Variants in DPY19L3 observed in about 807,000 individuals in gnomAD.
DPY19L3 encodes the protein protein C-mannosyl-transferase DPY19L3.
In DPY19L3, 51 loss-of-function variants were observed where a neutral mutation model predicts 92.3. The ratio of observed to expected loss-of-function variants is 0.55; its 90% CI spans 0.44 to 0.70. The LOEUF is 0.70. Among genes scored for constraint, DPY19L3 ranks in the 30% least tolerant of loss-of-function variants. DPY19L3 has a pLI of 0.00. For missense variants in DPY19L3, 706 were observed against 855.9 expected (o/e 0.82, Z 2.18); for synonymous variants, 309 against 315.2 (o/e 0.98, Z 0.21).
intron 12 of DPY19L3, among the ~76,000 whole-genome samples, chr19:32,462,278 G>A (rs1013694636): frequency 1.3e-4 from 20 of 152,094 alleles, no homozygotes; most frequent in African/African-American, 4.1e-4. Flanking sequence ...ACTATACAGC[G>A]TGGAAACACA....
intron 12 of DPY19L3, among the ~76,000 whole-genome samples, chr19:32,462,346 A>G (rs1217571845): frequency 6.6e-6 from 1 of 152,214 alleles, no homozygotes; most frequent in African/African-American, 2.4e-5. Context: ...GAGAGATTTC[A>G]TCATGCAACA....
At chr19:32,426,855 T>G (rs1968781084) in intron 3 of DPY19L3, among the ~76,000 whole-genome samples, 1 of 152,266 alleles carries the variant, frequency 6.6e-6, no homozygotes, top group African/African-American at 2.4e-5. Flanking sequence ...GATAGTTGTT[T>G]GATGCATAGT....
intron 12 of DPY19L3, among the ~76,000 whole-genome samples, chr19:32,460,834 G>A (rs1350857950): frequency 7.3e-6 from 1 of 137,112 alleles, no homozygotes; most frequent in African/African-American, 2.7e-5. Context: ...TAGGAAGGAT[G>A]ATACTATGAC....
intron 5 of DPY19L3, among the ~76,000 whole-genome samples, chr19:32,436,945 G>C (rs1392541813): frequency 6.6e-6 from 1 of 151,670 alleles, no homozygotes; most frequent in African/African-American, 2.4e-5. Context: ...ATCAGACAAA[G>C]TTAGGTATAA....
rs540525661 is a variant in DPY19L3, at chr19:32,436,795, C to T, written c.450+228C>T. Among the ~76,000 whole-genome samples, 9 of 152,246 alleles carry T rather than the reference C, an allele frequency of 5.9e-5. No individual in the cohort carries two copies. In the South Asian group the frequency reaches 1.7e-3, roughly 28 times the overall value. On this transcript the variant is annotated intron_variant, in intron 5 of 18. Coordinates refer to ENST00000392250, the MANE Select transcript of DPY19L3 (RefSeq NM_001172774.2). The stretch of plus-strand genomic sequence containing the variant: ...ATGCTTCCTGGCTTATGTATGTATG[C>T]GGTCTAGAAGCTAATAAATATTTTC...
At chr19:32,448,859 C>G (rs1315585544) in intron 8 of DPY19L3, among the ~76,000 whole-genome samples, 2 of 152,142 alleles carry the variant, frequency 1.3e-5, no homozygotes. Context: ...GCTGATAATC[C>G]AGGACTTCCT....
chr19:32,473,894 C>T lies in DPY19L3; in HGVS notation c.1698-3628C>T, dbSNP rs749188065. ...TCTCGGCTCACTGCAACCTTCACCT[C>T]GTGGGTTCAAGCGATTCTCCTGCCT... On this transcript the variant is annotated intron_variant, in intron 16 of 18. Transcript: ENST00000392250. Among the ~76,000 whole-genome samples the T allele has an allele frequency of 2.6e-5, 4 of 152,156 alleles. No individual in the cohort carries two copies. In the East Asian group the frequency reaches 5.8e-4, roughly 22 times the overall value.
Position 32,436,350 on chromosome 19 carries a change from G to C in DPY19L3, c.329-96G>C, listed in dbSNP as rs376077858. The C allele has an allele frequency of 1.4e-5, 13 of 929,520 alleles. No homozygotes were observed. In the East Asian group the frequency reaches 3.9e-4, roughly 28 times the overall value. The allele number at this position is 929,520 out of a possible 1,614,324, so 57.6% of individuals were successfully genotyped here. On this transcript the variant is annotated intron_variant, in intron 4 of 18. Transcript: ENST00000392250. The stretch of plus-strand genomic sequence containing the variant: ...TCTTATATCCCCAATGCCTACCACA[G>C]TCTCTAGCACTTACTAAACAATCTG...
At chr19:32,448,516 ATATTTTG>A (rs1332742464) in intron 8 of DPY19L3, among the ~76,000 whole-genome samples, 2 of 152,216 alleles carry the variant, frequency 1.3e-5, no homozygotes, top group Non-Finnish European at 2.9e-5. Flanking sequence ...TGATTAACAG[ATATTTTG>A]TATGTGATGC....
chr19:32,411,557 A>C, intron 3 of DPY19L3, 185 bp downstream of exon 3: 2 of 477,688 alleles, frequency 4.2e-6, no homozygotes, highest in Non-Finnish European at 3.5e-6. Context: ...ATCTTTTTTT[A>C]AATTTTTCTT....
chr19:32,410,430 T>A (rs1306297253), intron 2 of DPY19L3, among the ~76,000 whole-genome samples: 2 of 152,236 alleles, frequency 1.3e-5, no homozygotes, highest in African/African-American at 4.8e-5. Context: ...TTATTTATTC[T>A]GTGGGTTTTT....
At chr19:32,454,301 G>A (rs1039290229) in intron 9 of DPY19L3, among the ~76,000 whole-genome samples, 2 of 152,138 alleles carry the variant, frequency 1.3e-5, no homozygotes, top group African/African-American at 4.8e-5. Flanking sequence ...AGGGCCAGGC[G>A]TGGTGGCTCA....
rs958477335 is a variant in DPY19L3, at chr19:32,463,290, G to A, written c.1323-76G>A. The A allele has an allele frequency of 2.0e-6, 3 of 1,505,712 alleles. No homozygotes were observed. The African/African-American group carries it at 4.2e-5, about 21-fold the overall frequency. 93.3% of individuals were successfully genotyped at this position (1,505,712 alleles called of 1,614,324 possible). ...GAATACATAAAGGCATACATTTCTT[G>A]TATCTTCTTCTTTTACAAAGATCTA... On this transcript the variant is annotated intron_variant, in intron 12 of 18. Transcript: ENST00000392250.
intron 10 of DPY19L3, among the ~76,000 whole-genome samples, chr19:32,455,459 T>C (rs534602375): frequency 1.2e-4 from 19 of 152,324 alleles, no homozygotes; most frequent in Non-Finnish European, 2.4e-4. Context: ...TATGAAACTT[T>C]TAAAAGCTTA....
intron 3 of DPY19L3, among the ~76,000 whole-genome samples, chr19:32,423,274 T>A (rs1005449437): frequency 1.3e-5 from 2 of 152,158 alleles, no homozygotes; most frequent in African/African-American, 4.8e-5. Flanking sequence ...GAGCTCGCTC[T>A]GTCGCCTAGG....
At chr19:32,422,948 A>G (rs1968624205) in intron 3 of DPY19L3, among the ~76,000 whole-genome samples, 1 of 152,234 alleles carries the variant, frequency 6.6e-6, no homozygotes, top group Admixed American at 6.5e-5. Flanking sequence ...ATGCTCAAGT[A>G]AAAGAAAGTG....
chr19:32,421,002 T>G (rs1968550054), intron 3 of DPY19L3, among the ~76,000 whole-genome samples: 1 of 152,260 alleles, frequency 6.6e-6, no homozygotes, highest in South Asian at 2.1e-4. Flanking sequence ...CTACCTTATC[T>G]GCTGTTACAT....
chr19:32,449,225 G>T (rs1282040686), intron 8 of DPY19L3, among the ~76,000 whole-genome samples: 2 of 152,170 alleles, frequency 1.3e-5, no homozygotes, highest in African/African-American at 4.8e-5. Flanking sequence ...GTAACACAAA[G>T]TGACAATTTA....
At chr19:32,423,405 T>C (rs1474624535) in intron 3 of DPY19L3, among the ~76,000 whole-genome samples, 1 of 123,936 alleles carries the variant, frequency 8.1e-6, no homozygotes, top group African/African-American at 2.9e-5. Flanking sequence ...CCAGCTAATT[T>C]TTTTTTTTTT....
Sources: allele counts gnomAD v4.1 joint callset (sites outside exome capture counted in the v4.1 genomes callset), GRCh38; gene constraint gnomAD v4.1.1; transcripts MANE v1.5; gene names NCBI Gene and HGNC (gene_info 2026-07-23, HGNC 2026-07-21).